AHI1: variants seen among roughly 807,000 people sequenced by gnomAD.
AHI1 encodes the protein jouberin.
Under a neutral mutation model 149.3 loss-of-function variants are expected in AHI1, and 123 were observed. That is an observed-to-expected ratio of 0.82 (90% CI 0.71 to 0.96). The LOEUF (loss-of-function observed/expected upper bound fraction) is 0.96, where lower values mean the gene tolerates loss of function less well. AHI1 is among the 40% of genes least tolerant of loss of function. The pLI, the probability that AHI1 is intolerant of heterozygous loss-of-function variation, is 0.00. For synonymous variants in AHI1, 475 were observed against 459.8 expected, an observed-to-expected ratio of 1.03 and a Z score of -0.42; for missense variants, 1,439 against 1,422.7, an observed-to-expected ratio of 1.01 and a Z score of -0.18.
At chr6:135,474,137 A>C (rs1260939954) in intron 5 of AHI1, among the ~76,000 whole-genome samples, 1 of 152,202 alleles carries the variant, frequency 6.6e-6, no homozygotes, top group Non-Finnish European at 1.5e-5. Context: ...TTGGTTGCTT[A>C]GGCGTATTAA....
At chr6:135,493,759 C>T (rs1248417543) in intron 3 of AHI1, among the ~76,000 whole-genome samples, 2 of 151,966 alleles carry the variant, frequency 1.3e-5, no homozygotes, top group Non-Finnish European at 2.9e-5. Context: ...CAAAAAAAAG[C>T]CTGCTGGGCG....
chr6:135,307,859 T>G (rs986308045), intron 26 of AHI1, among the ~76,000 whole-genome samples: 8 of 152,118 alleles, frequency 5.3e-5, no homozygotes, highest in Non-Finnish European at 1.0e-4. Flanking sequence ...CATTTTTGAT[T>G]GTCACAAGTG....
At chr6:135,473,028 G>A (rs1279901401) in intron 5 of AHI1, among the ~76,000 whole-genome samples, 3 of 151,982 alleles carry the variant, frequency 2.0e-5, no homozygotes, top group African/African-American at 7.3e-5. Flanking sequence ...TTTGTATCCT[G>A]AGAAATCTTT....
At chr6:135,469,047 C>A (rs1015232461) in intron 5 of AHI1, among the ~76,000 whole-genome samples, 7 of 152,040 alleles carry the variant, frequency 4.6e-5, no homozygotes, top group Admixed American at 4.6e-4. Flanking sequence ...GGCAGAGATG[C>A]AACAAAGAAA....
intron 3 of AHI1, chr6:135,493,055 G>A (rs1795478869): frequency 1.2e-6 from 1 of 816,940 alleles, no homozygotes; most frequent in Non-Finnish European, 1.5e-6. Context: ...GTCGAGTGCA[G>A]TGGTGTGATC....
chr6:135,338,854 A>G (rs1447935848), intron 24 of AHI1, among the ~76,000 whole-genome samples: 1 of 152,092 alleles, frequency 6.6e-6, no homozygotes, highest in Admixed American at 6.5e-5. Context: ...CTAAAACCCA[A>G]TCGCAAAGAA....
chr6:135,300,260 G>T (rs1021449038), intron 27 of AHI1, among the ~76,000 whole-genome samples: 2 of 151,198 alleles, frequency 1.3e-5, no homozygotes, highest in Non-Finnish European at 2.9e-5. Flanking sequence ...AGGAGGTGGA[G>T]GTTGCAGTGA....
intron 24 of AHI1, among the ~76,000 whole-genome samples, chr6:135,330,278 T>G (rs1004893748): frequency 6.6e-6 from 1 of 152,208 alleles, no homozygotes; most frequent in Non-Finnish European, 1.5e-5. Context: ...AATTTCATTT[T>G]TGTCTTATTT....
intron 25 of AHI1, 66 bp from the exon 26 acceptor site, chr6:135,318,682 C>T (rs773745153): frequency 1.9e-5 from 17 of 917,768 alleles, no homozygotes; most frequent in South Asian, 6.2e-5. Context: ...GGAAAAACAA[C>T]GATGGTAGGG....
chr6:135,384,476 C>T (rs1180737039), intron 23 of AHI1, among the ~76,000 whole-genome samples: 1 of 152,046 alleles, frequency 6.6e-6, no homozygotes, highest in African/African-American at 2.4e-5. Context: ...AATACAAATG[C>T]CTCTGACCTC....
intron 24 of AHI1, among the ~76,000 whole-genome samples, chr6:135,356,737 T>C (rs2128434047): frequency 6.6e-6 from 1 of 152,318 alleles, no homozygotes; most frequent in Non-Finnish European, 1.5e-5. Flanking sequence ...TACTAAAGGA[T>C]AACTGAAACA....
At chr6:135,493,730 T>C (rs1411100866) in intron 3 of AHI1, among the ~76,000 whole-genome samples, 3 of 152,192 alleles carry the variant, frequency 2.0e-5, no homozygotes, top group Non-Finnish European at 4.4e-5. Context: ...AGCTGACCTA[T>C]ATTATGACTA....
chr6:135,357,903 T>C (rs1327640138), intron 24 of AHI1, among the ~76,000 whole-genome samples: 2 of 152,178 alleles, frequency 1.3e-5, no homozygotes, highest in Non-Finnish European at 2.9e-5. Flanking sequence ...GTGCACAAAA[T>C]AACATTCATT....
chr6:135,436,800 C>A (rs1311310202), intron 15 of AHI1, among the ~76,000 whole-genome samples: 2 of 152,122 alleles, frequency 1.3e-5, no homozygotes, highest in Non-Finnish European at 2.9e-5. Flanking sequence ...CAGGGTTTCG[C>A]CATGTTGGCC....
chr6:135,429,891 T>G lies in AHI1; in HGVS notation c.2483A>C (p.Asp828Ala), dbSNP rs1784406093. ...ACTGAAATATACTTACATCCGGAGATCCATAATTCTCAAAGTACTGTCTTT... is the reference window on the plus strand; with the variant it reads ...ACTGAAATATACTTACATCCGGAGAGCCATAATTCTCAAAGTACTGTCTTT... Reference protein sequence around the residue: ...HTKDSTLRIMDLRILVARKFV... With the variant: ...HTKDSTLRIMALRILVARKFV... The change falls in exon 18 of 29, where the codon GAT (aspartate) becomes GCT (alanine). Residue 828 changes from aspartate (D) to alanine (A), a missense_variant. By Grantham distance (126) the Asp-to-Ala change is moderately radical. Coordinates refer to ENST00000265602, the MANE Select transcript of AHI1 (RefSeq NM_001134831.2). The G allele has an allele frequency of 1.3e-6, 2 of 1,544,124 alleles. No homozygotes were observed. The highest frequency in any genetic ancestry group is 2.3e-5 in the East Asian group (1 of 44,076).
At chr6:135,442,964 A>G (rs528932257) in intron 13 of AHI1, among the ~76,000 whole-genome samples, 1 of 152,264 alleles carries the variant, frequency 6.6e-6, no homozygotes, top group Non-Finnish European at 1.5e-5. Flanking sequence ...TGAATAGAAA[A>G]ATTTCAATAT....
chr6:135,366,842 G>A (rs1282487520), intron 23 of AHI1, among the ~76,000 whole-genome samples: 1 of 151,934 alleles, frequency 6.6e-6, no homozygotes, highest in Non-Finnish European at 1.5e-5. Flanking sequence ...GTTTGTTCTT[G>A]TTTCTCTAGT....
chr6:135,469,197 G>A (rs1015826435), intron 5 of AHI1, among the ~76,000 whole-genome samples: 4 of 152,132 alleles, frequency 2.6e-5, no homozygotes, highest in Non-Finnish European at 1.5e-5. Flanking sequence ...ATGCAAGGCT[G>A]GTTCAACATA....
intron 23 of AHI1, among the ~76,000 whole-genome samples, chr6:135,384,571 A>G (rs560080017): frequency 1.3e-5 from 2 of 152,322 alleles, no homozygotes; most frequent in African/African-American, 4.8e-5. Flanking sequence ...GCTAATCAAA[A>G]TTGCTTATTA....
Sources: gnomAD v4.1 joint callset for allele counts (sites outside exome capture counted in the v4.1 genomes callset) on GRCh38, gnomAD v4.1.1 for gene constraint, MANE v1.5 for transcripts, NCBI Gene and HGNC (gene_info 2026-07-23, HGNC 2026-07-21) for gene names.